Variants in ZNF253 observed in about 807,000 individuals in gnomAD.
ZNF253 encodes the protein zinc finger protein 253, also known as DNA-binding protein.
In ZNF253, 8 loss-of-function variants were observed where a neutral mutation model predicts 11.9. That is an observed-to-expected ratio of 0.67 (90% CI 0.40 to 1.22). The LOEUF is 1.22. ZNF253 is among the 50% of genes most tolerant of loss of function. The pLI, the probability that ZNF253 is intolerant of heterozygous loss-of-function variation, is 0.01. For synonymous variants in ZNF253, 194 were observed against 194.9 expected (o/e 1.00, Z 0.04); for missense variants, 485 against 586.9 (o/e 0.83, Z 1.79).
intron 1 of ZNF253, among the ~76,000 whole-genome samples, chr19:19,874,856 T>G (rs1473085601): frequency 1.4e-5 from 2 of 147,520 alleles, no homozygotes; most frequent in South Asian, 4.4e-4. Context: ...AGTTTGCAGT[T>G]AGCCGAGATC....
At chr19:19,872,585 A>ATTATATATATATATATATATTAT (rs59790297) in intron 1 of ZNF253, among the ~76,000 whole-genome samples, 2,474 of 89,686 alleles carry the variant, frequency 0.028, 124 homozygotes, top group African/African-American at 0.14. Context: ...ATATATTATT[A>ATTATATATATATATATATATTAT]TATATATATA....
intron 1 of ZNF253, among the ~76,000 whole-genome samples, chr19:19,867,288 T>G (rs1255696895): frequency 6.6e-6 from 1 of 152,234 alleles, no homozygotes; most frequent in Admixed American, 6.5e-5. Context: ...GCAAAGGACA[T>G]GATCATTTAT....
intron 3 of ZNF253, among the ~76,000 whole-genome samples, chr19:19,882,758 G>T (rs1171801453): frequency 6.6e-6 from 1 of 151,920 alleles, no homozygotes; most frequent in Non-Finnish European, 1.5e-5. Flanking sequence ...GGATCAAGAG[G>T]TCAGGAGTTG....
In ZNF253 at chr19:19,876,631, C is replaced by G. The variant is rs150378501; in HGVS notation, c.4-1850C>G. Among the ~76,000 whole-genome samples the G allele has an allele frequency of 2.0e-5, 3 of 152,108 alleles. No individual in the cohort carries two copies. The East Asian group carries it at 5.8e-4, about 29-fold the overall frequency. On this transcript the variant is annotated intron_variant, in intron 1 of 3. Transcript: ENST00000589717. ...AGCAGGTAAACAGGTGGTGCTGACA[C>G]TTTTAAGGGCATATTATCAAGATAC...
Position 19,892,159 on chromosome 19 carries a change from A to G in ZNF253, c.912A>G (p.Lys304=). 6.2e-7 allele frequency: 1 copy of G among 1,613,876 alleles called. No homozygotes were observed. The highest frequency in any genetic ancestry group is 2.2e-5 in the East Asian group (1 of 44,860). ...CCTCACACGTTACCACACATAAGAA[A>G]ATTCATACTAGAGGGAAACCCTACA... is the stretch of plus-strand genomic sequence containing the variant. ...KHPSHVTTHK[K]IHTRGKPYNC... Residue 304 remains lysine (K), a synonymous_variant, in exon 4 of 4, where the codon AAA becomes AAG. Transcript: ENST00000589717.
At chr19:19,885,539 C>T (rs530301800) in intron 3 of ZNF253, among the ~76,000 whole-genome samples, 7 of 151,756 alleles carry the variant, frequency 4.6e-5, no homozygotes, top group African/African-American at 1.2e-4. Context: ...TATGGGCGCC[C>T]GCCACCATGC....
Position 19,891,900 on chromosome 19 carries a change from A to C in ZNF253, c.653A>C (p.His218Pro), listed in dbSNP as rs377661053. 3.7e-5 allele frequency: 59 copies of C among 1,614,038 alleles called. No homozygotes were observed. In the African/African-American group the frequency reaches 7.2e-4, roughly 20 times the overall value. ...AACCAATCTGCAAACCTTACTACAC[A>C]TAAGAGAATTCATACCGGAGAGAAA... is the stretch of plus-strand genomic sequence containing the variant. ...AFNQSANLTTHKRIHTGEKPY... is the reference protein window; with the variant it reads ...AFNQSANLTTPKRIHTGEKPY... Residue 218 changes from histidine (H) to proline (P), a missense_variant, in exon 4 of 4, where the codon CAT (histidine) becomes CCT (proline). By Grantham distance (77) the His-to-Pro change is moderately conservative. Coordinates refer to ENST00000589717, the MANE Select transcript of ZNF253 (RefSeq NM_021047.3).
At position 19,892,034 on chromosome 19, in the gene ZNF253, A is replaced by G. The variant is rs761035231; in HGVS notation, c.787A>G (p.Lys263Glu). Residue 263 changes from lysine (K) to glutamate (E), a missense_variant, in exon 4 of 4, where the codon AAA becomes GAA. Lys to Glu is a moderately conservative substitution (Grantham distance 56). Transcript: ENST00000589717. ...EKPYKCEECG[K>E]AFNRSTDLTT... The stretch of plus-strand genomic sequence containing the variant: ...ACCCTACAAATGTGAAGAATGTGGC[A>G]AAGCCTTCAACCGATCCACAGACCT... The G allele has an allele frequency of 6.2e-6, 10 of 1,613,784 alleles. No homozygotes were observed. The Admixed American group carries it at 1.7e-4, about 27-fold the overall frequency.
intron 2 of ZNF253, 67 bp downstream of exon 2, chr19:19,878,674 T>G: frequency 6.5e-7 from 1 of 1,527,140 alleles, no homozygotes; most frequent in Non-Finnish European, 8.8e-7. Flanking sequence ...TTTTGTAGAA[T>G]GTTTGTTAGT....
At chr19:19,878,993 A>G (rs2063166612) in intron 2 of ZNF253, among the ~76,000 whole-genome samples, 1 of 152,210 alleles carries the variant, frequency 6.6e-6, no homozygotes, top group South Asian at 2.1e-4. Context: ...ATACTAGAAT[A>G]AATTTCAGTA....
At chr19:19,888,430 GTTT>G (rs373156931) in intron 3 of ZNF253, among the ~76,000 whole-genome samples, 1 of 145,534 alleles carries the variant, frequency 6.9e-6, no homozygotes, top group Non-Finnish European at 1.5e-5. Context: ...GTCTTTTTGT[GTTT>G]TTTTTTTATT....
intron 3 of ZNF253, among the ~76,000 whole-genome samples, chr19:19,881,526 G>T (rs1367074416): frequency 6.6e-6 from 1 of 151,758 alleles, no homozygotes; most frequent in Non-Finnish European, 1.5e-5. Flanking sequence ...GCGCATGCCT[G>T]TAATCCCAGC....
rs1158219122 is a variant in ZNF253, at chr19:19,894,043, CA to C, written c.*1300del. On this transcript the variant is annotated 3_prime_UTR_variant, in exon 4 of 4. Transcript: ENST00000589717. ...AGTAAATATCAAAAAATATTTAATT[CA>C]AAATTGATTCTATGTAAATATCAGA... 3 of 152,090 alleles carry C rather than the reference CA, an allele frequency of 2.0e-5. No individual in the cohort carries two copies. Among genetic ancestry groups the C allele is most frequent in the Non-Finnish European group, 4.4e-5 (3 of 68,000 alleles). 9.4% of individuals were successfully genotyped at this position (152,090 alleles called of 1,614,324 possible). A position where few individuals can be genotyped will look rare whatever the true frequency, so the allele number is the denominator to read the frequency against.
At chr19:19,890,836 T>A (rs1331563940) in intron 3 of ZNF253, among the ~76,000 whole-genome samples, 1 of 121,092 alleles carries the variant, frequency 8.3e-6, no homozygotes, top group East Asian at 2.2e-4. Flanking sequence ...AATTTAATTT[T>A]TTTTTTTTTT....
In ZNF253 at chr19:19,878,522, G is replaced by A. The variant is rs1361799982; in HGVS notation, c.45G>A (p.Leu15=). The change falls in exon 2 of 4, where the codon CTG becomes CTA. Residue 15 remains leucine, a synonymous_variant. Coordinates refer to ENST00000589717, the MANE Select transcript of ZNF253 (RefSeq NM_021047.3). ...GAGATGTGGCCATAGAATTCTCTCTGGAGGAGTGGCATTGCCTGGACACTG... is the reference window on the plus strand; with the variant it reads ...GAGATGTGGCCATAGAATTCTCTCTAGAGGAGTGGCATTGCCTGGACACTG... ...QFRDVAIEFS[L]EEWHCLDTAQ... is the part of the protein sequence containing the mutation. 16 of 1,613,886 alleles carry A rather than the reference G, an allele frequency of 9.9e-6. No homozygotes were observed. Among genetic ancestry groups the A allele is most frequent in the African/African-American group, 1.3e-5 (1 of 74,886 alleles).
At chr19:19,874,806 G>A (rs1207379863) in intron 1 of ZNF253, among the ~76,000 whole-genome samples, 1 of 151,828 alleles carries the variant, frequency 6.6e-6, no homozygotes, top group African/African-American at 2.4e-5. Context: ...CAGCTACTTG[G>A]GAGGCTGAGG....
In ZNF253 at chr19:19,891,553, T is replaced by C. The variant is rs201141276; in HGVS notation, c.306T>C (p.Tyr102=). 7.4e-4 allele frequency: 1,201 copies of C among 1,614,004 alleles called. 2 individuals are homozygous for C. Among genetic ancestry groups the C allele is most frequent in the Non-Finnish European group, 9.1e-4 (1,068 of 1,179,982 alleles). ...TCCAAATAGGGATGCTGAGAAGATA[T>C]GAAGAATGCAGACATGACAATTTAC... ...NSFQIGMLRR[Y]EECRHDNLQL... Residue 102 remains tyrosine (Y), a synonymous_variant, in exon 4 of 4, where the codon TAT becomes TAC. Coordinates refer to ENST00000589717, the MANE Select transcript of ZNF253 (RefSeq NM_021047.3).
chr19:19,874,179 G>C (rs892051181), intron 1 of ZNF253, among the ~76,000 whole-genome samples: 3 of 151,984 alleles, frequency 2.0e-5, no homozygotes, highest in African/African-American at 7.2e-5. Flanking sequence ...CAAAGTGCTG[G>C]GATTACAGGC....
At chr19:19,877,788 G>C (rs1325409504) in intron 1 of ZNF253, among the ~76,000 whole-genome samples, 2 of 152,054 alleles carry the variant, frequency 1.3e-5, no homozygotes, top group Non-Finnish European at 2.9e-5. Flanking sequence ...TTTTACAATA[G>C]AGTTAATTAT....
Sources: gnomAD v4.1 joint callset for allele counts (sites outside exome capture counted in the v4.1 genomes callset) on GRCh38, gnomAD v4.1.1 for gene constraint, MANE v1.5 for transcripts, NCBI Gene and HGNC (gene_info 2026-07-23, HGNC 2026-07-21) for gene names.